Variants in MIER2 observed in about 807,000 individuals in gnomAD.
MIER2 encodes mesoderm induction early response protein 2.
In MIER2, 30 loss-of-function variants were observed where a neutral mutation model predicts 67.6. The observed-to-expected ratio is 0.44, with a 90% confidence interval of 0.33 to 0.60. The LOEUF is 0.60. Among genes scored for constraint, MIER2 ranks in the 20% least tolerant of loss-of-function variants. The pLI is 0.02. For synonymous variants in MIER2, 372 were observed against 312.6 expected, an observed-to-expected ratio of 1.19 and a Z score of -2.00; for missense variants, 702 against 745.1, an observed-to-expected ratio of 0.94 and a Z score of 0.67.
rs901215583 is a variant in MIER2, at chr19:307,496, C to T, written c.1239G>A (p.Glu413=). Residue 413 remains glutamate, a synonymous_variant, in exon 13 of 14, where the codon GAG becomes GAA. Transcript: ENST00000264819. ...SVDGTAGGLD[E]PGVASDGLPS... is the part of the protein sequence containing the mutation. ...GGAGTCCATCAGAGGCCACTCCGGG[C>T]TCATCGAGACCACCGGCCGTGCCAT... 6.6e-6 allele frequency: 10 copies of T among 1,522,468 alleles called. No homozygotes were observed. The highest frequency in any genetic ancestry group is 6.3e-5 in the Admixed American group (3 of 47,532). The allele number at this position is 1,522,468 out of a possible 1,614,324, so 94.3% of individuals were successfully genotyped here. A position where few individuals can be genotyped will look rare whatever the true frequency, so the allele number is the denominator to read the frequency against.
intron 3 of MIER2, among the ~76,000 whole-genome samples, chr19:331,838 G>A (rs148538249): frequency 0.042 from 6,265 of 150,962 alleles, 441 homozygotes; most frequent in African/African-American, 0.14. Flanking sequence ...AAAATTTGCC[G>A]GGCGTGGTGG....
chr19:310,891 G>C (rs1030993525), intron 10 of MIER2, among the ~76,000 whole-genome samples: 1 of 152,186 alleles, frequency 6.6e-6, no homozygotes, highest in African/African-American at 2.4e-5. Flanking sequence ...CTTGACAGGG[G>C]CTCCAAGTGT....
chr19:311,632 A>G (rs10404083), intron 10 of MIER2, among the ~76,000 whole-genome samples: 7,124 of 152,236 alleles, frequency 0.047, 283 homozygotes, highest in African/African-American at 0.11. Flanking sequence ...ATTCTTTCCC[A>G]AAGCCAGAGC....
At chr19:343,909 G>C in intron 1 of MIER2, 2 of 985,418 alleles carry the variant, frequency 2.0e-6, no homozygotes, top group African/African-American at 3.5e-5. Flanking sequence ...AAAAGCGAAA[G>C]TTTCTTCCTT....
At chr19:310,070 ACAC>A (rs1401394650) in intron 10 of MIER2, among the ~76,000 whole-genome samples, 5 of 151,738 alleles carry the variant, frequency 3.3e-5, no homozygotes, top group African/African-American at 1.2e-4. Context: ...GGCTTCAGGG[ACAC>A]GAGAAGGGAC....
rs1399551811 is a variant in MIER2 at position 312,029 on chromosome 19, C to T, written c.890-90G>A. 2.5e-4 allele frequency: 257 copies of T among 1,035,374 alleles called. 18 individuals are homozygous for T. Among genetic ancestry groups the T allele is most frequent in the South Asian group, 6.9e-4 (33 of 47,560 alleles). The allele number at this position is 1,035,374 out of a possible 1,614,324, so 64.1% of individuals were successfully genotyped here. A position where few individuals can be genotyped will look rare whatever the true frequency, so the allele number is the denominator to read the frequency against. ...CCAGGCCGGGGAGAACAGTCAGCGG[C>T]GCCCAGGGCGGGGCCGCAGCGGAAG... On this transcript the variant is annotated intron_variant, in intron 9 of 13. Transcript: ENST00000264819.
intron 3 of MIER2, among the ~76,000 whole-genome samples, chr19:329,464 C>A (rs973735685): frequency 3.3e-5 from 5 of 152,202 alleles, no homozygotes; most frequent in African/African-American, 9.7e-5. Flanking sequence ...GAGGCTTGCA[C>A]TGATAGTGCA....
At chr19:335,460 G>A (rs1320847334) in intron 2 of MIER2, among the ~76,000 whole-genome samples, 1 of 152,238 alleles carries the variant, frequency 6.6e-6, no homozygotes, top group Non-Finnish European at 1.5e-5. Context: ...CCTTGGAGGA[G>A]CCACGTGAGG....
In MIER2 at chr19:307,171, C is replaced by A. The variant is rs1222879541; in HGVS notation, c.1564G>T (p.Ala522Ser). Reference sequence around the variant, plus strand: ...GGGGCCGGGCACGTGGGGTGGGCGGCCAGGAAGGGGTTCACGTCCCCAATG... The same window carrying A: ...GGGGCCGGGCACGTGGGGTGGGCGGACAGGAAGGGGTTCACGTCCCCAATG... ...IGIGDVNPFL[A>S]AHPTCPAPGL... Residue 522 changes from alanine (A) to serine (S), a missense_variant, in exon 13 of 14, where the codon GCC (alanine) becomes TCC (serine). Around this residue, in one of 3 missense-constraint regions of MIER2, gnomAD observed 254 missense variants for 262.8 expected, o/e 0.97. Transcript: ENST00000264819. 5.0e-6 allele frequency: 8 copies of A among 1,588,064 alleles called. No individual in the cohort carries two copies. The highest frequency in any genetic ancestry group is 1.7e-4 in the Middle Eastern group (1 of 6,050).
rs1970700119 is a variant in MIER2, at chr19:307,366, G to A, written c.1369C>T (p.Pro457Ser). The A allele has an allele frequency of 6.2e-7, 1 of 1,606,698 alleles. No individual in the cohort carries two copies. Residue 457 changes from proline (P) to serine (S), a missense_variant, in exon 13 of 14, where the codon CCA becomes TCA. By Grantham distance (74) the Pro-to-Ser change is moderately conservative. Transcript: ENST00000264819. Reference sequence around the variant, plus strand: ...TCTGGCTCCGGAGCAGTGACAGCTGGCTGGTATGAGGCTGGGTCGGCCAGG... The same window carrying A: ...TCTGGCTCCGGAGCAGTGACAGCTGACTGGTATGAGGCTGGGTCGGCCAGG... ...PALADPASYQ[P>S]AVTAPEPDAS...
intron 1 of MIER2, among the ~76,000 whole-genome samples, chr19:338,683 G>A (rs1033313695): frequency 8.5e-5 from 13 of 152,190 alleles, no homozygotes; most frequent in African/African-American, 2.9e-4. Context: ...AATCAAAACA[G>A]TGTGGTACTG....
intron 1 of MIER2, among the ~76,000 whole-genome samples, chr19:338,117 A>C (rs1282722946): frequency 7.4e-6 from 1 of 135,152 alleles, no homozygotes; most frequent in Non-Finnish European, 1.5e-5. Context: ...GGTTGCAGTG[A>C]GCCGAGATCG....
rs138293433 is a variant in MIER2 at position 307,502 on chromosome 19, G to C, written c.1233C>G (p.Leu411=). Residue 411 remains leucine, a synonymous_variant, in exon 13 of 14, where the codon CTC becomes CTG. Coordinates refer to ENST00000264819, the MANE Select transcript of MIER2 (RefSeq NM_017550.3). ...CATCAGAGGCCACTCCGGGCTCATC[G>C]AGACCACCGGCCGTGCCATCCACGC... ...PLSVDGTAGG[L]DEPGVASDGL... 6.6e-7 allele frequency: 1 copy of C among 1,519,454 alleles called. No individual in the cohort carries two copies. The highest frequency in any genetic ancestry group is 2.1e-5 in the Admixed American group (1 of 47,362). 94.1% of individuals were successfully genotyped at this position (1,519,454 alleles called of 1,614,324 possible). A position where few individuals can be genotyped will look rare whatever the true frequency, so the allele number is the denominator to read the frequency against.
chr19:309,785 GACAC>G (rs762262353), intron 10 of MIER2, among the ~76,000 whole-genome samples: 63 of 106,162 alleles, frequency 5.9e-4, no homozygotes, highest in African/African-American at 2.0e-3. Flanking sequence ...GACGAGAAGG[GACAC>G]ACACACACAC....
Position 307,501 on chromosome 19 carries a change from C to G in MIER2, c.1234G>C (p.Asp412His). 6.6e-7 allele frequency: 1 copy of G among 1,519,314 alleles called. No individual in the cohort carries two copies. The highest frequency in any genetic ancestry group is 8.8e-7 in the Non-Finnish European group (1 of 1,138,746). The allele number at this position is 1,519,314 out of a possible 1,614,324, so 94.1% of individuals were successfully genotyped here. ...CCATCAGAGGCCACTCCGGGCTCATCGAGACCACCGGCCGTGCCATCCACG... is the reference window on the plus strand; with the variant it reads ...CCATCAGAGGCCACTCCGGGCTCATGGAGACCACCGGCCGTGCCATCCACG... ...LSVDGTAGGLDEPGVASDGLP... is the reference protein window; with the variant it reads ...LSVDGTAGGLHEPGVASDGLP... Residue 412 changes from aspartate (D) to histidine (H), a missense_variant, in exon 13 of 14, where the codon GAT (aspartate) becomes CAT (histidine). By Grantham distance (81) the Asp-to-His change is moderately conservative. Around this residue, in one of 3 missense-constraint regions of MIER2, gnomAD observed 254 missense variants for 262.8 expected, o/e 0.97. Coordinates refer to ENST00000264819, the MANE Select transcript of MIER2 (RefSeq NM_017550.3).
At chr19:322,334 G>A (rs1971536235) in intron 7 of MIER2, among the ~76,000 whole-genome samples, 1 of 152,106 alleles carries the variant, frequency 6.6e-6, no homozygotes, top group Non-Finnish European at 1.5e-5. Flanking sequence ...TCCTTAAGTA[G>A]AACACACACA....
chr19:343,488 G>C (rs994645820), intron 1 of MIER2, among the ~76,000 whole-genome samples: 4 of 152,108 alleles, frequency 2.6e-5, no homozygotes, highest in African/African-American at 7.2e-5. Flanking sequence ...CTAGTATCGA[G>C]ACACCTACAC....
chr19:317,012 C>G (rs936604852), intron 7 of MIER2, among the ~76,000 whole-genome samples: 4 of 152,120 alleles, frequency 2.6e-5, no homozygotes, highest in African/African-American at 9.7e-5. Flanking sequence ...CATGTTGTAA[C>G]CTCTAAAGCG....
In MIER2 at chr19:312,224, G is replaced by T. The variant is rs1346076114; in HGVS notation, c.856C>A (p.Arg286=). ...KCNFNVEEAL[R]RLRFNVKVIR... ...ACCTTCACGTTGAACCGCAGCCTTC[G>T]CAGGGCCTCCTCCACATTGAAGTTG... Residue 286 remains arginine, a synonymous_variant, in exon 9 of 14, where the codon CGA becomes AGA. Transcript: ENST00000264819. 3 of 1,613,928 alleles carry T rather than the reference G, an allele frequency of 1.9e-6. No individual in the cohort carries two copies. The highest frequency in any genetic ancestry group is 1.7e-4 in the Middle Eastern group (1 of 6,060).
Sources: allele counts gnomAD v4.1 joint callset (sites outside exome capture counted in the v4.1 genomes callset), GRCh38; gene constraint gnomAD v4.1.1; regional missense constraint gnomAD v4.1.1; transcripts MANE v1.5; gene names NCBI Gene and HGNC (gene_info 2026-07-23, HGNC 2026-07-21).